Variants in FAM168A observed in about 807,000 individuals in gnomAD.
FAM168A encodes the protein family with sequence similarity 168 member A.
Under a neutral mutation model 28.5 loss-of-function variants are expected in FAM168A, and 3 were observed. That is an observed-to-expected ratio of 0.11 (90% CI 0.05 to 0.27). FAM168A has a LOEUF of 0.27. Ranked by LOEUF, FAM168A falls within the 10% of genes least tolerant of loss-of-function variation. FAM168A has a pLI of 1.00. For missense variants in FAM168A, 222 were observed against 311.5 expected (o/e 0.71, Z 2.16); for synonymous variants, 122 against 124.2 (o/e 0.98, Z 0.12).
chr11:73,520,841 T>C (rs1847213979), intron 1 of FAM168A, among the ~76,000 whole-genome samples: 2 of 151,306 alleles, frequency 1.3e-5, no homozygotes, highest in African/African-American at 2.4e-5. Flanking sequence ...AAAGATGTGG[T>C]TATATATTAT....
At chr11:73,456,418 T>G (rs1406670546) in intron 2 of FAM168A, among the ~76,000 whole-genome samples, 2 of 152,176 alleles carry the variant, frequency 1.3e-5, no homozygotes, top group African/African-American at 4.8e-5. Flanking sequence ...TGCTATGTCT[T>G]GAGCTAATTG....
intron 2 of FAM168A, among the ~76,000 whole-genome samples, chr11:73,458,078 T>C (rs1867573685): frequency 2.0e-5 from 3 of 152,188 alleles, no homozygotes; most frequent in Admixed American, 6.5e-5. Context: ...AATAATTTAA[T>C]TCAACATATA....
intron 1 of FAM168A, among the ~76,000 whole-genome samples, chr11:73,472,782 A>G (rs956003008): frequency 6.6e-6 from 1 of 152,238 alleles, no homozygotes; most frequent in Non-Finnish European, 1.5e-5. Context: ...AGAGGAAGAA[A>G]GACATCAAGA....
At chr11:73,491,170 C>T (rs1311557448) in intron 1 of FAM168A, among the ~76,000 whole-genome samples, 1 of 152,210 alleles carries the variant, frequency 6.6e-6, no homozygotes, top group Non-Finnish European at 1.5e-5. Context: ...ACTCCCCAGA[C>T]AGCTGGCCAG....
intron 1 of FAM168A, among the ~76,000 whole-genome samples, chr11:73,596,556 C>A (rs1944440988): frequency 6.6e-6 from 1 of 152,042 alleles, no homozygotes. Flanking sequence ...TTAAAATGGC[C>A]CCTAAGAATG....
intron 2 of FAM168A, among the ~76,000 whole-genome samples, chr11:73,441,537 C>T (rs189234195): frequency 1.1e-4 from 17 of 152,298 alleles, no homozygotes; most frequent in East Asian, 3.9e-4. Context: ...CCTCATAGAA[C>T]GAGTTAGAAA....
At chr11:73,461,627 A>G (rs189598079) in intron 2 of FAM168A, among the ~76,000 whole-genome samples, 196 of 152,344 alleles carry the variant, frequency 1.3e-3, no homozygotes, top group Non-Finnish European at 2.2e-3. Flanking sequence ...AAAACTTTCT[A>G]TTGCAAGCTA....
At chr11:73,555,867 A>G (rs1463121906) in intron 1 of FAM168A, among the ~76,000 whole-genome samples, 1 of 152,204 alleles carries the variant, frequency 6.6e-6, no homozygotes, top group African/African-American at 2.4e-5. Context: ...TGTAACCTCC[A>G]AGGACCTTGT....
intron 1 of FAM168A, among the ~76,000 whole-genome samples, chr11:73,483,792 C>T (rs1178439643): frequency 6.6e-6 from 1 of 152,128 alleles, no homozygotes; most frequent in African/African-American, 2.4e-5. Context: ...GTCCAACAGA[C>T]AACTGGGAAT....
intron 5 of FAM168A, among the ~76,000 whole-genome samples, 196 bp downstream of exon 5, chr11:73,411,198 A>G (rs559000050): frequency 1.3e-5 from 2 of 151,994 alleles, no homozygotes; most frequent in Non-Finnish European, 2.9e-5. Flanking sequence ...CTTCATGCCT[A>G]CCCCCTCTAG....
chr11:73,462,204 A>G (rs892519995), intron 2 of FAM168A, among the ~76,000 whole-genome samples: 2 of 152,258 alleles, frequency 1.3e-5, no homozygotes, highest in African/African-American at 4.8e-5. Context: ...GACCAAAAGC[A>G]GAAGCAACCC....
At chr11:73,484,546 ATC>A (rs373494766) in intron 1 of FAM168A, among the ~76,000 whole-genome samples, 10,443 of 93,832 alleles carry the variant, frequency 0.11, 1,200 homozygotes, top group African/African-American at 0.32. Context: ...CTATATATCT[ATC>A]TATATCTATA....
At chr11:73,559,617 C>T (rs370491626) in intron 1 of FAM168A, among the ~76,000 whole-genome samples, 88 of 152,122 alleles carry the variant, frequency 5.8e-4, no homozygotes, top group Middle Eastern at 3.4e-3. Context: ...GATTAGTTGC[C>T]GCCAGGGGCT....
chr11:73,471,958 G>A (rs1387925559), intron 1 of FAM168A, among the ~76,000 whole-genome samples: 1 of 152,130 alleles, frequency 6.6e-6, no homozygotes, highest in East Asian at 1.9e-4. Context: ...TGAGCAGCAG[G>A]CAAGCAAGCA....
At chr11:73,471,087 T>C (rs958555679) in intron 1 of FAM168A, among the ~76,000 whole-genome samples, 6 of 152,184 alleles carry the variant, frequency 3.9e-5, no homozygotes, top group African/African-American at 1.4e-4. Context: ...CTTTAGAATA[T>C]GACAGCCACT....
intron 1 of FAM168A, among the ~76,000 whole-genome samples, chr11:73,498,186 T>C (rs1854932693): frequency 6.6e-6 from 1 of 151,892 alleles, no homozygotes; most frequent in Admixed American, 6.5e-5. Context: ...ATAATAAGTA[T>C]GTGAATCCTT....
chr11:73,439,215 G>A (rs1012354247), intron 2 of FAM168A, among the ~76,000 whole-genome samples: 1 of 152,148 alleles, frequency 6.6e-6, no homozygotes, highest in Admixed American at 6.5e-5. Context: ...CCTTCCACTG[G>A]CGAGCTGCAG....
intron 1 of FAM168A, among the ~76,000 whole-genome samples, chr11:73,536,819 A>G (rs1943588549): frequency 6.6e-6 from 1 of 152,220 alleles, no homozygotes; most frequent in Admixed American, 6.5e-5. Flanking sequence ...CCGTATCTGC[A>G]TTTATTTTCC....
At chr11:73,453,577 A>G (rs1423244653) in intron 2 of FAM168A, among the ~76,000 whole-genome samples, 1 of 152,250 alleles carries the variant, frequency 6.6e-6, no homozygotes, top group African/African-American at 2.4e-5. Context: ...AGGTTCTTCC[A>G]GATCAATTAT....
Sources: allele counts gnomAD v4.1 joint callset (sites outside exome capture counted in the v4.1 genomes callset), GRCh38; gene constraint gnomAD v4.1.1; transcripts MANE v1.5; gene names NCBI Gene and HGNC (gene_info 2026-07-23, HGNC 2026-07-21).